The following RAG1 variants were observed in gnomAD, a reference collection of about 807,000 sequenced individuals.
The protein encoded by RAG1 is recombination activating 1, also known as V(D)J recombination-activating protein 1.
RAG1 carries 35 observed loss-of-function variants against 62.7 expected under a neutral mutation model. The observed-to-expected ratio is 0.56, with a 90% CI of 0.43 to 0.74. The LOEUF (loss-of-function observed/expected upper bound fraction) is 0.74, where lower values mean the gene tolerates loss of function less well. Ranked by LOEUF, RAG1 falls within the 30% of genes least tolerant of loss-of-function variation. RAG1 has a pLI of 0.00. For synonymous variants in RAG1, 461 were observed against 470.3 expected (o/e 0.98, Z 0.26); for missense variants, 1,169 against 1,278.6 (o/e 0.91, Z 1.31).
intron 2 of RAG1, among the ~76,000 whole-genome samples, chr11:36,521,841 G>T (rs919614029): frequency 4.6e-5 from 7 of 152,190 alleles, no homozygotes; most frequent in Non-Finnish European, 1.0e-4. Flanking sequence ...CTGGAGAAAA[G>T]GTGCCTCTTG....
downstream of RAG1, among the ~76,000 whole-genome samples, chr11:36,540,545 CA>C (rs1860400650): frequency 6.6e-6 from 1 of 152,156 alleles, no homozygotes; most frequent in Non-Finnish European, 1.5e-5. Flanking sequence ...GCTGGGACTA[CA>C]GGCGCCCGCC....
chr11:36,576,437 G>A lies in RAG1; in HGVS notation c.*1G>A. 1.2e-6 allele frequency: 2 copies of A among 1,614,074 alleles called. No homozygotes were observed. The highest frequency in any genetic ancestry group is 1.7e-6 in the Non-Finnish European group (2 of 1,180,034). On this transcript the variant is annotated 3_prime_UTR_variant, in exon 2 of 2. Coordinates refer to ENST00000299440, the MANE Select transcript of RAG1 (RefSeq NM_000448.3). ...AAGCCAAGATTCAATGGAATTTTAA[G>A]TAGGGCAACCACTTATGAGTTGGTT...
intron 1 of RAG1, among the ~76,000 whole-genome samples, chr11:36,513,197 C>G (rs1859951273): frequency 6.6e-6 from 1 of 152,140 alleles, no homozygotes; most frequent in African/African-American, 2.4e-5. Context: ...GATACCAGCC[C>G]CTTGAGTTTG....
At position 36,574,825 on chromosome 11, in the gene RAG1, G is replaced by A. The variant is rs766180509; in HGVS notation, c.1521G>A (p.Arg507=). 1 of 1,614,110 alleles carries A rather than the reference G, an allele frequency of 6.2e-7. No individual in the cohort carries two copies. Among genetic ancestry groups the A allele is most frequent in the Admixed American group, 1.7e-5 (1 of 60,016 alleles). The stretch of plus-strand genomic sequence containing the variant: ...TTTTTCAGCCTTTGCATGCCCTTCG[G>A]AATGCTGAGAAGGTACTTCTGCCAG... ...RQIFQPLHAL[R]NAEKVLLPGY... Residue 507 remains arginine (R), a synonymous_variant, in exon 2 of 2, where the codon CGG becomes CGA. Coordinates refer to ENST00000299440, the MANE Select transcript of RAG1 (RefSeq NM_000448.3).
chr11:36,520,211 A>T (rs77326125), exon 2 of RAG1: 15,286 of 152,258 alleles, frequency 0.1, 826 homozygotes, highest in Non-Finnish European at 0.11. Context: ...ACCCAAGGAC[A>T]TTCAGCCAAG....
At chr11:36,551,268 T>A (rs565587529) in intron 3 of RAG1, among the ~76,000 whole-genome samples, 1 of 152,286 alleles carries the variant, frequency 6.6e-6, no homozygotes, top group East Asian at 1.9e-4. Flanking sequence ...TGTGTATGTG[T>A]GTATCATAGG....
intron 2 of RAG1, among the ~76,000 whole-genome samples, chr11:36,531,544 C>T (rs780168932): frequency 2.0e-5 from 3 of 151,930 alleles, no homozygotes; most frequent in Middle Eastern, 6.8e-3. Context: ...TTTATATAAA[C>T]AGTCTATACA....
At chr11:36,517,687 A>G (rs1158310873) in intron 1 of RAG1, among the ~76,000 whole-genome samples, 6 of 152,224 alleles carry the variant, frequency 3.9e-5, no homozygotes, top group Non-Finnish European at 7.3e-5. Context: ...AGAACAAAAT[A>G]ACTTTCAATT....
At chr11:36,532,823 C>T (rs983574380) in intron 2 of RAG1, among the ~76,000 whole-genome samples, 7 of 152,062 alleles carry the variant, frequency 4.6e-5, no homozygotes, top group South Asian at 4.1e-4. Flanking sequence ...GAGAGACAGA[C>T]AGCACATTTA....
downstream of RAG1, among the ~76,000 whole-genome samples, chr11:36,537,509 T>C (rs1322663228): frequency 6.6e-6 from 1 of 152,184 alleles, no homozygotes; most frequent in African/African-American, 2.4e-5. Flanking sequence ...TCAAATAAAA[T>C]ATCAAATAGC....
At chr11:36,540,108 T>C (rs1035135557), downstream of RAG1, among the ~76,000 whole-genome samples, 1 of 152,168 alleles carries the variant, frequency 6.6e-6, no homozygotes, top group African/African-American at 2.4e-5. Flanking sequence ...ATCCTACAAA[T>C]TGAGTCATTC....
chr11:36,559,817 C>T (rs1850555966), intron 3 of RAG1, among the ~76,000 whole-genome samples: 1 of 152,152 alleles, frequency 6.6e-6, no homozygotes, highest in Admixed American at 6.5e-5. Flanking sequence ...TTGTATCTTG[C>T]TGAGTTTTCT....
intron 3 of RAG1, among the ~76,000 whole-genome samples, chr11:36,550,115 G>A (rs1850461258): frequency 6.6e-6 from 1 of 152,092 alleles, no homozygotes; most frequent in Admixed American, 6.6e-5. Context: ...AGCCTGCTGG[G>A]GACTGGGGAG....
chr11:36,536,787 C>G, downstream of RAG1, among the ~76,000 whole-genome samples: 1 of 151,316 alleles, frequency 6.6e-6, no homozygotes. Context: ...GAGACGGAGT[C>G]TTGCTCAGTT....
Position 36,568,075 on chromosome 11 carries a change from C to G in RAG1, c.-62C>G, listed in dbSNP as rs2133287160. ...CTCTTTGGTATTGAGTAATATCAAC[C>G]AAATTGCAGACATCTCAACACTTTG... On this transcript the variant is annotated 5_prime_UTR_variant, in exon 1 of 2. Coordinates refer to ENST00000299440, the MANE Select transcript of RAG1 (RefSeq NM_000448.3). 6.6e-6 allele frequency: 1 copy of G among 152,282 alleles called. No homozygotes were observed. Among genetic ancestry groups the G allele is most frequent in the East Asian group, 1.9e-4 (1 of 5,190 alleles). 9.4% of individuals were successfully genotyped at this position (152,282 alleles called of 1,614,324 possible). A position where few individuals can be genotyped will look rare whatever the true frequency, so the allele number is the denominator to read the frequency against.
In RAG1 at chr11:36,577,176, A is replaced by G. The variant is rs972074793; in HGVS notation, c.*740A>G. 1.2e-5 allele frequency: 2 copies of G among 166,886 alleles called. No homozygotes were observed. Among genetic ancestry groups the G allele is most frequent in the Non-Finnish European group, 2.9e-5 (2 of 68,124 alleles). 10.3% of individuals were successfully genotyped at this position (166,886 alleles called of 1,614,324 possible). A position where few individuals can be genotyped will look rare whatever the true frequency, so the allele number is the denominator to read the frequency against. ...AATTTAGAATACACCTGTTAGCTACAGTTAGTTATTAAATCTTCTGATAAT... is the reference window on the plus strand; with the variant it reads ...AATTTAGAATACACCTGTTAGCTACGGTTAGTTATTAAATCTTCTGATAAT... On this transcript the variant is annotated 3_prime_UTR_variant, in exon 2 of 2. Transcript: ENST00000299440.
chr11:36,575,481 C>T lies in RAG1; in HGVS notation c.2177C>T (p.Ser726Leu). Residue 726 changes from serine (S) to leucine (L), a missense_variant, in exon 2 of 2, where the codon TCA becomes TTA. Transcript: ENST00000299440. This position sits in a 1 kb window ranked among gnomAD's most constrained non-coding sequence, Gnocchi z 4.1. ...GTGGAAGGCCTCGAGGCTTCTGGCT[C>T]AGTCTACATTTGTACTCTTTGTGAT... Reference protein sequence around the residue: ...REVEGLEASGSVYICTLCDAT... With the variant: ...REVEGLEASGLVYICTLCDAT... 1 of 1,614,184 alleles carries T rather than the reference C, an allele frequency of 6.2e-7. No individual in the cohort carries two copies. The highest frequency in any genetic ancestry group is 1.3e-5 in the African/African-American group (1 of 75,044).
intron 3 of RAG1, among the ~76,000 whole-genome samples, chr11:36,542,924 A>G (rs771447158): frequency 6.6e-5 from 10 of 152,342 alleles, no homozygotes; most frequent in Middle Eastern, 3.4e-3. Flanking sequence ...AGTTGTGCAA[A>G]TAAGTCCATT....
chr11:36,573,901 C>T lies in RAG1; in HGVS notation c.597C>T (p.Asn199=), dbSNP rs148288583. 111 of 1,614,018 alleles carry T rather than the reference C, an allele frequency of 6.9e-5. No homozygotes were observed. The highest frequency in any genetic ancestry group is 3.0e-4 in the Admixed American group (18 of 59,998). The change falls in exon 2 of 2, where the codon AAC becomes AAT. Residue 199 remains asparagine, a synonymous_variant. Transcript: ENST00000299440. ...CATGTGAGGTTTACTTCCCGAGGAA[C>T]GTGACCATGGAGTGGCACCCCCACA... The part of the protein sequence containing the change: ...SAPCEVYFPR[N]VTMEWHPHTP...
Sources: allele counts gnomAD v4.1 joint callset (sites outside exome capture counted in the v4.1 genomes callset), GRCh38; gene constraint gnomAD v4.1.1; non-coding constraint Gnocchi (gnomAD v3.1); transcripts MANE v1.5; gene names NCBI Gene and HGNC (gene_info 2026-07-23, HGNC 2026-07-21).